RAD23B: variants seen among roughly 807,000 people sequenced by gnomAD.
RAD23B encodes the protein lysine-specific demethylase RAD23B.
Under a neutral mutation model 49.1 loss-of-function variants are expected in RAD23B, and 5 were observed. The observed-to-expected ratio is 0.10, with a 90% CI of 0.05 to 0.21. The LOEUF is 0.21. Among genes scored for constraint, RAD23B ranks in the 10% least tolerant of loss-of-function variants. The pLI, the probability that RAD23B is intolerant of heterozygous loss-of-function variation, is 1.00. For missense variants in RAD23B, 356 were observed against 486.7 expected (o/e 0.73, Z 2.53); for synonymous variants, 184 against 165.4 (o/e 1.11, Z -0.86).
At chr9:107,306,978 G>A (rs907468724) in intron 4 of RAD23B, among the ~76,000 whole-genome samples, 2 of 151,956 alleles carry the variant, frequency 1.3e-5, no homozygotes, top group Non-Finnish European at 2.9e-5. Context: ...ATTACATCAT[G>A]ACATTGCCAC....
intron 4 of RAD23B, among the ~76,000 whole-genome samples, chr9:107,309,009 G>A (rs894399484): frequency 2.6e-5 from 4 of 152,168 alleles, no homozygotes; most frequent in Non-Finnish European, 5.9e-5. Context: ...AATTCCACTT[G>A]ATATCTACCT....
Position 107,329,798 on chromosome 9 carries a change from G to A in RAD23B, c.*142G>A, listed in dbSNP as rs1354250009. ...TTGGGGGTGGGGAGGGAGGGATCTA[G>A]GATACAGGGCAGGGATAAATACAGT... On this transcript the variant is annotated 3_prime_UTR_variant, in exon 10 of 10. Coordinates refer to ENST00000358015, the MANE Select transcript of RAD23B (RefSeq NM_002874.5). 1.9e-6 allele frequency: 1 copy of A among 532,076 alleles called. No individual in the cohort carries two copies. Among genetic ancestry groups the A allele is most frequent in the Non-Finnish European group, 3.4e-6 (1 of 295,458 alleles). The allele number at this position is 532,076 out of a possible 1,614,324, so 33.0% of individuals were successfully genotyped here. A position where few individuals can be genotyped will look rare whatever the true frequency, so the allele number is the denominator to read the frequency against.
chr9:107,311,806 A>G, intron 5 of RAD23B, 69 bp downstream of exon 5: 2 of 1,179,656 alleles, frequency 1.7e-6, no homozygotes, highest in Non-Finnish European at 2.4e-6. Flanking sequence ...TTTCTAGATC[A>G]TGATAAAAGT....
chr9:107,318,011 C>G lies in RAD23B; in HGVS notation c.554-741C>G, dbSNP rs534731477. ...TACCATCCCTTCCCCAGCATGTTTT[C>G]AGAATTTGGTGTCTCTTCTTACCAG... On this transcript the variant is annotated intron_variant, in intron 5 of 9. Coordinates refer to ENST00000358015, the MANE Select transcript of RAD23B (RefSeq NM_002874.5). The surrounding 1 kb of genome is among the most constrained non-coding windows in gnomAD (Gnocchi z 4.3). Among the ~76,000 whole-genome samples the G allele has an allele frequency of 1.2e-4, 19 of 152,270 alleles. No individual in the cohort carries two copies. Among genetic ancestry groups the G allele is most frequent in the African/African-American group, 4.6e-4 (19 of 41,546 alleles).
At chr9:107,324,083 C>T (rs763405747) in intron 8 of RAD23B, 66 bp downstream of exon 8, 84 of 1,513,984 alleles carry the variant, frequency 5.5e-5, no homozygotes, top group East Asian at 2.3e-4. Context: ...AGTCCATGAA[C>T]GGTCCTTCCC....
intron 4 of RAD23B, among the ~76,000 whole-genome samples, chr9:107,308,123 A>C (rs1014841951): frequency 2.2e-5 from 3 of 134,944 alleles, no homozygotes; most frequent in African/African-American, 1.1e-4. Flanking sequence ...CTCCTTTTTA[A>C]AAAAAAAAAG....
intron 1 of RAD23B, among the ~76,000 whole-genome samples, chr9:107,297,607 G>A (rs1192267105): frequency 6.6e-6 from 1 of 152,138 alleles, no homozygotes; most frequent in African/African-American, 2.4e-5. Context: ...CCAAAGTATG[G>A]GATTACAGGC....
chr9:107,324,437 G>T (rs1441956381), intron 8 of RAD23B, among the ~76,000 whole-genome samples: 1 of 152,164 alleles, frequency 6.6e-6, no homozygotes. Flanking sequence ...GGCTTCTTTA[G>T]TGATCAGATC....
At chr9:107,297,436 A>C (rs987459092) in intron 1 of RAD23B, among the ~76,000 whole-genome samples, 2 of 151,486 alleles carry the variant, frequency 1.3e-5, no homozygotes, top group African/African-American at 4.9e-5. Flanking sequence ...GCCTCCTGGG[A>C]TTCAAGCAGT....
At chr9:107,304,716 T>C (rs1159308110) in intron 3 of RAD23B, among the ~76,000 whole-genome samples, 1 of 152,200 alleles carries the variant, frequency 6.6e-6, no homozygotes, top group Non-Finnish European at 1.5e-5. Context: ...AGTTATGAAC[T>C]AAACAGGTAG....
chr9:107,288,176 T>C (rs767615232), intron 1 of RAD23B, among the ~76,000 whole-genome samples: 2 of 152,124 alleles, frequency 1.3e-5, no homozygotes, highest in African/African-American at 2.4e-5. Flanking sequence ...TTAGTAAAGA[T>C]CTTTGAATGA....
At chr9:107,284,282 C>T in intron 1 of RAD23B, 1 of 948,398 alleles carries the variant, frequency 1.1e-6, no homozygotes, top group Non-Finnish European at 1.3e-6. Flanking sequence ...CCTCCCGCCA[C>T]CAAACCCACA....
At chr9:107,285,261 A>G (rs982594935) in intron 1 of RAD23B, among the ~76,000 whole-genome samples, 25 of 152,220 alleles carry the variant, frequency 1.6e-4, no homozygotes, top group African/African-American at 6.0e-4. Flanking sequence ...CTTAATGTGC[A>G]TTAATAAGTT....
chr9:107,312,774 A>C (rs1826912773), intron 5 of RAD23B, among the ~76,000 whole-genome samples: 1 of 152,224 alleles, frequency 6.6e-6, no homozygotes, highest in Admixed American at 6.5e-5. Context: ...AGGATTACCC[A>C]GAGAGGCAGT....
chr9:107,287,605 C>T (rs554141915), intron 1 of RAD23B, among the ~76,000 whole-genome samples: 86 of 152,020 alleles, frequency 5.7e-4, no homozygotes, highest in Non-Finnish European at 1.0e-3. Context: ...GAAGCCGAGG[C>T]GGGTGGATCA....
intron 5 of RAD23B, among the ~76,000 whole-genome samples, chr9:107,313,338 G>T (rs374006027): frequency 6.6e-6 from 1 of 151,942 alleles, no homozygotes; most frequent in Admixed American, 6.6e-5. Flanking sequence ...CGATTCTCCC[G>T]CCTCAGCCTC....
chr9:107,321,087 G>GT (rs1325393734), intron 6 of RAD23B, among the ~76,000 whole-genome samples: 1 of 152,108 alleles, frequency 6.6e-6, no homozygotes, highest in Non-Finnish European at 1.5e-5. Flanking sequence ...TCCCAAAAGA[G>GT]TTTAGTGCAT....
At chr9:107,309,206 A>G (rs566162084) in intron 4 of RAD23B, among the ~76,000 whole-genome samples, 9 of 152,330 alleles carry the variant, frequency 5.9e-5, no homozygotes, top group African/African-American at 2.2e-4. Context: ...GGACCTGTAA[A>G]TCAGAATTAT....
chr9:107,287,463 TAAGAG>T (rs1187267053), intron 1 of RAD23B, among the ~76,000 whole-genome samples: 2 of 152,350 alleles, frequency 1.3e-5, no homozygotes, highest in East Asian at 1.9e-4. Context: ...ATGTTTTTGC[TAAGAG>T]AATTGCAAAG....
Sources: gnomAD v4.1 joint callset for allele counts (sites outside exome capture counted in the v4.1 genomes callset) on GRCh38, gnomAD v4.1.1 for gene constraint, Gnocchi (gnomAD v3.1) non-coding constraint, MANE v1.5 for transcripts, NCBI Gene and HGNC (gene_info 2026-07-23, HGNC 2026-07-21) for gene names.